Variants in RSPH14 observed in about 807,000 individuals in gnomAD.
The protein encoded by RSPH14 is radial spoke head 14 homolog.
RSPH14 carries 20 observed loss-of-function variants against 26.7 expected under a neutral mutation model. The observed-to-expected ratio is 0.75, with a 90% CI of 0.53 to 1.09. The LOEUF is 1.09. Ranked by LOEUF, RSPH14 falls within the 50% of genes least tolerant of loss-of-function variation. RSPH14 has a pLI of 0.00. For missense variants in RSPH14, 449 were observed against 457.2 expected (o/e 0.98, Z 0.16); for synonymous variants, 177 against 189.3 (o/e 0.93, Z 0.53).
chr22:23,165,768 G>A, the RSPH14 span, among the ~76,000 whole-genome samples: 1 of 152,150 alleles, frequency 6.6e-6, no homozygotes, highest in African/African-American at 2.4e-5. Flanking sequence ...AGTGGCAGGT[G>A]GTGTGGCTCT....
At chr22:23,147,901 T>C (rs759665775), upstream of RSPH14, among the ~76,000 whole-genome samples, 1 of 152,130 alleles carries the variant, frequency 6.6e-6, no homozygotes, top group Non-Finnish European at 1.5e-5. Context: ...CAGTAGAGTG[T>C]GTGCAGCACA....
At chr22:23,143,720 T>C (rs1368650217), upstream of RSPH14, among the ~76,000 whole-genome samples, 1 of 152,178 alleles carries the variant, frequency 6.6e-6, no homozygotes, top group East Asian at 1.9e-4. Flanking sequence ...TAATAACACT[T>C]GTATGCTTTT....
chr22:23,117,243 T>TTA (rs1569184932), intron 4 of RSPH14, among the ~76,000 whole-genome samples: 1 of 151,752 alleles, frequency 6.6e-6, no homozygotes. Flanking sequence ...TGATGGGGAA[T>TTA]GAGAGGGGCT....
chr22:23,157,193 T>G, the RSPH14 span, among the ~76,000 whole-genome samples: 2 of 152,068 alleles, frequency 1.3e-5, no homozygotes, highest in African/African-American at 4.8e-5. Context: ...AGCAGGTTGT[T>G]GCTAACCATC....
chr22:23,179,400 C>T, the RSPH14 span, among the ~76,000 whole-genome samples: 1 of 152,272 alleles, frequency 6.6e-6, no homozygotes, highest in East Asian at 1.9e-4. Context: ...GCAGAGTGCT[C>T]TCCACTGTGT....
intron 4 of RSPH14, among the ~76,000 whole-genome samples, chr22:23,077,845 C>A (rs1569161335): frequency 6.6e-6 from 1 of 152,170 alleles, no homozygotes; most frequent in East Asian, 1.9e-4. Flanking sequence ...AGGCCCTGAC[C>A]CCCTGTGAAC....
chr22:23,111,308 C>T (rs373991210), intron 4 of RSPH14, among the ~76,000 whole-genome samples: 12 of 152,168 alleles, frequency 7.9e-5, no homozygotes, highest in African/African-American at 2.4e-4. Flanking sequence ...GGCTCTGTAC[C>T]GAGCAGGGGG....
At chr22:23,152,454 C>T in the RSPH14 span, 20 of 1,614,054 alleles carry the variant, frequency 1.2e-5, no homozygotes, top group Non-Finnish European at 1.7e-5. Context: ...GGCCATATTT[C>T]TCACAGGCTC....
the RSPH14 span, chr22:23,161,094 G>C: frequency 2.1e-6 from 3 of 1,432,786 alleles, no homozygotes; most frequent in African/African-American, 4.3e-5. Flanking sequence ...GCCATTTCCT[G>C]AACTTGTGGC....
chr22:23,140,372 T>A lies in RSPH14; in HGVS notation c.49A>T (p.Thr17Ser), dbSNP rs2146456794. 1 of 1,614,166 alleles carries A rather than the reference T, an allele frequency of 6.2e-7. No individual in the cohort carries two copies. Among genetic ancestry groups the A allele is most frequent in the Non-Finnish European group, 8.5e-7 (1 of 1,180,030 alleles). Residue 17 changes from threonine (T) to serine (S), a missense_variant, in exon 2 of 7, where the codon ACC becomes TCC. By Grantham distance (58) the Thr-to-Ser change is moderately conservative. Transcript: ENST00000216036. The part of the protein sequence containing the change: ...SLELPININA[T>S]QITTAYGHRA... ...TGGCCATAGGCAGTGGTAATCTGGGTGGCATTGATGTTAATGGGAAGCTCC... is the reference window on the plus strand; with the variant it reads ...TGGCCATAGGCAGTGGTAATCTGGGAGGCATTGATGTTAATGGGAAGCTCC...
intron 4 of RSPH14, among the ~76,000 whole-genome samples, chr22:23,128,645 T>C (rs2070240046): frequency 1.3e-5 from 2 of 152,152 alleles, no homozygotes; most frequent in South Asian, 4.1e-4. Context: ...AAGTCAGACT[T>C]GGCCAGAGCA....
chr22:23,107,178 A>G (rs2069507420), intron 4 of RSPH14, among the ~76,000 whole-genome samples: 1 of 152,202 alleles, frequency 6.6e-6, no homozygotes, highest in Non-Finnish European at 1.5e-5. Flanking sequence ...TACAGTTGTC[A>G]CCAGGCATAG....
chr22:23,079,264 T>C (rs927327852), intron 4 of RSPH14, among the ~76,000 whole-genome samples: 2 of 152,170 alleles, frequency 1.3e-5, no homozygotes, highest in African/African-American at 2.4e-5. Flanking sequence ...TTTTCCATCG[T>C]AAATAGGATG....
chr22:23,116,393 A>G (rs564105325), intron 4 of RSPH14, among the ~76,000 whole-genome samples: 5 of 152,358 alleles, frequency 3.3e-5, no homozygotes, highest in Non-Finnish European at 7.4e-5. Context: ...CGCCTGTGAC[A>G]GGGCACCTGA....
chr22:23,156,710 TAAAAG>T, the RSPH14 span, among the ~76,000 whole-genome samples: 14 of 152,194 alleles, frequency 9.2e-5, no homozygotes, highest in African/African-American at 2.4e-4. Flanking sequence ...CTTTTAGACT[TAAAAG>T]AAGCAAAAAT....
At chr22:23,161,098 T>G in the RSPH14 span, 1 of 1,414,490 alleles carries the variant, frequency 7.1e-7, no homozygotes, top group Admixed American at 2.2e-5. Flanking sequence ...TTTCCTGAAC[T>G]TGTGGCCCTC....
intron 4 of RSPH14, among the ~76,000 whole-genome samples, chr22:23,100,016 G>C (rs529974236): frequency 2.0e-5 from 3 of 152,268 alleles, no homozygotes; most frequent in Non-Finnish European, 4.4e-5. Flanking sequence ...ATGTTCTCAT[G>C]TGGAAACCCA....
chr22:23,092,277 G>T (rs2069001304), intron 4 of RSPH14, among the ~76,000 whole-genome samples: 1 of 152,198 alleles, frequency 6.6e-6, no homozygotes, highest in Non-Finnish European at 1.5e-5. Flanking sequence ...CTCAGAATAG[G>T]TGGGACTGTC....
intron 4 of RSPH14, chr22:23,096,152 G>A (rs1237639616): frequency 2.5e-6 from 4 of 1,612,938 alleles, no homozygotes; most frequent in South Asian, 1.1e-5. Flanking sequence ...GGAGGACAAC[G>A]CGGCCTACTA....
Sources: allele counts gnomAD v4.1 joint callset (sites outside exome capture counted in the v4.1 genomes callset), GRCh38; gene constraint gnomAD v4.1.1; transcripts MANE v1.5; gene names NCBI Gene and HGNC (gene_info 2026-07-23, HGNC 2026-07-21).